The following HSPG2 variants were observed in gnomAD, a reference collection of about 807,000 sequenced individuals.
HSPG2 encodes heparan sulfate proteoglycan 2.
Under a neutral mutation model 526.6 loss-of-function variants are expected in HSPG2, and 278 were observed. The ratio of observed to expected loss-of-function variants is 0.53; its 90% CI spans 0.48 to 0.58. The LOEUF is 0.58. HSPG2 is among the 20% of genes least tolerant of loss of function. The pLI, the probability that HSPG2 is intolerant of heterozygous loss-of-function variation, is 0.00. For synonymous variants in HSPG2, 2,465 were observed against 2,555.4 expected (o/e 0.96, Z 1.07); for missense variants, 5,354 against 6,099.5 (o/e 0.88, Z 4.07).
chr1:21,857,269 T>A lies in HSPG2; in HGVS notation c.5394+16A>T, dbSNP rs1411770416. 1 of 1,613,774 alleles carries A rather than the reference T, an allele frequency of 6.2e-7. No individual in the cohort carries two copies. Among genetic ancestry groups the A allele is most frequent in the East Asian group, 2.2e-5 (1 of 44,888 alleles). On this transcript the variant is annotated intron_variant, in intron 43 of 96. Transcript: ENST00000374695. ...GAAGACAGACTTCCTCCATCCCCAC[T>A]CCCTGACCTGCACACCTTGCTTTTG...
Position 21,873,380 on chromosome 1 carries a change from C to A in HSPG2, c.3788G>T (p.Cys1263Phe). The A allele has an allele frequency of 6.2e-7, 1 of 1,614,220 alleles. No homozygotes were observed. ...ACCTCCCCAATCCTACTCACTCTGG[C>A]ATGGCTGGCCCTGGCTGGGGTTGCC... ...YYGNPSQGQP[C>F]QRDSQVPGPI... Residue 1263 changes from cysteine to phenylalanine, a missense_variant, in exon 30 of 97, where the codon TGC becomes TTC. Physicochemically the swap from Cys to Phe is radical, Grantham distance 205. Transcript: ENST00000374695.
intron 21 of HSPG2, chr1:21,877,629 C>G (rs1476129194): frequency 6.4e-6 from 1 of 156,276 alleles, no homozygotes. Context: ...TCCTGAGTAG[C>G]TGGGATTATA....
Position 21,862,066 on chromosome 1 carries a change from C to T in HSPG2, c.4790G>A (p.Gly1597Asp). The T allele has an allele frequency of 1.2e-6, 2 of 1,614,080 alleles. No individual in the cohort carries two copies. The highest frequency in any genetic ancestry group is 1.7e-6 in the Non-Finnish European group (2 of 1,180,032). The change falls in exon 38 of 97, where the codon GGC becomes GAC. Residue 1597 changes from glycine to aspartate, a missense_variant. Coordinates refer to ENST00000374695, the MANE Select transcript of HSPG2 (RefSeq NM_005529.7). ...CCCGGCTGTGGCATCTCCGTAGTAG[C>T]CAGGGGCACAAAGCTCGCAGAACTC... Reference protein sequence around the residue: ...AGEFCELCAPGYYGDATAGTP... With the variant: ...AGEFCELCAPDYYGDATAGTP...
intron 9 of HSPG2, among the ~76,000 whole-genome samples, chr1:21,885,777 C>A (rs1408368925): frequency 6.6e-6 from 1 of 152,208 alleles, no homozygotes; most frequent in Non-Finnish European, 1.5e-5. Context: ...TGGACAAGAC[C>A]CATGTCAAAG....
chr1:21,861,769 T>C lies in HSPG2; in HGVS notation c.4943A>G (p.Gln1648Arg), dbSNP rs2152731850. ...CTACEPGYTG[Q>R]YCEQCGPGYV... ...TTTACAAACTTACTGCTCACAGTACTGGCCAGTGTAGCCGGGTTCGCAGGC... is the reference window on the plus strand; with the variant it reads ...TTTACAAACTTACTGCTCACAGTACCGGCCAGTGTAGCCGGGTTCGCAGGC... The change falls in exon 39 of 97, where the codon CAG becomes CGG. Residue 1648 changes from glutamine (Q) to arginine (R), a missense_variant. By Grantham distance (43) the Gln-to-Arg change is conservative. Coordinates refer to ENST00000374695, the MANE Select transcript of HSPG2 (RefSeq NM_005529.7). 6.2e-7 allele frequency: 1 copy of C among 1,613,994 alleles called. No homozygotes were observed. Among genetic ancestry groups the C allele is most frequent in the East Asian group, 2.2e-5 (1 of 44,886 alleles).
In HSPG2 at chr1:21,855,529, C is replaced by T. The variant is rs761763385; in HGVS notation, c.5848G>A (p.Val1950Met). The change falls in exon 46 of 97, where the codon GTG (valine) becomes ATG (methionine). Residue 1950 changes from valine to methionine, a missense_variant. Val to Met is a conservative substitution (Grantham distance 21). Transcript: ENST00000374695. ...CCTGAGCCCGGCCTCTCACCATGCA[C>T]GTGGAGCACAGCCCTGGCCACCTGC... ...GQQVARAVLH[V>M]HGGGGPRVQV... 2.0e-5 allele frequency: 32 copies of T among 1,608,846 alleles called. No homozygotes were observed. Among genetic ancestry groups the T allele is most frequent in the Middle Eastern group, 1.6e-4 (1 of 6,082 alleles).
Position 21,904,655 on chromosome 1 carries a change from A to G in HSPG2, c.64-8345T>C, listed in dbSNP as rs72870236. ...AGCCACCGGGAAATGCCCTTGCCTCACCCATGTGCCAGGTGTGGCCAAGGC... is the reference window on the plus strand; with the variant it reads ...AGCCACCGGGAAATGCCCTTGCCTCGCCCATGTGCCAGGTGTGGCCAAGGC... On this transcript the variant is annotated intron_variant, in intron 1 of 96. Coordinates refer to ENST00000374695, the MANE Select transcript of HSPG2 (RefSeq NM_005529.7). The surrounding 1 kb of genome is among the most constrained non-coding windows in gnomAD (Gnocchi z 4.4). Among the ~76,000 whole-genome samples the G allele has an allele frequency of 3.3e-3, 498 of 152,262 alleles. 6 individuals are homozygous for G. The highest frequency in any genetic ancestry group is 0.011 in the African/African-American group (471 of 41,560).
intron 1 of HSPG2, chr1:21,908,091 C>T (rs565165266): frequency 2.9e-5 from 23 of 781,006 alleles, no homozygotes; most frequent in Non-Finnish European, 4.6e-5. Context: ...TCCAGTAATT[C>T]GCCAAAATGA....
At chr1:21,844,413 T>G in intron 64 of HSPG2, 114 bp from the exon 65 acceptor site, 1 of 1,202,210 alleles carries the variant, frequency 8.3e-7, no homozygotes. Flanking sequence ...CTTCTTTCCC[T>G]TCCCGTTCCA....
chr1:21,925,529 A>T (rs554713920), intron 1 of HSPG2, among the ~76,000 whole-genome samples: 41 of 152,330 alleles, frequency 2.7e-4, no homozygotes, highest in African/African-American at 8.9e-4. Context: ...GAGAAGAATC[A>T]GGGTTCCCAG....
intron 67 of HSPG2, 37 bp from the exon 68 acceptor site, chr1:21,842,417 G>A: frequency 1.9e-6 from 3 of 1,559,260 alleles, no homozygotes; most frequent in Non-Finnish European, 8.7e-7. Context: ...TCAGGGCAAA[G>A]TCCCCAGGAC....
chr1:21,837,876 C>T (rs1307884618), intron 74 of HSPG2, among the ~76,000 whole-genome samples: 1 of 151,972 alleles, frequency 6.6e-6, no homozygotes, highest in Non-Finnish European at 1.5e-5. Flanking sequence ...TGGCTCACGC[C>T]GGTAATCCCA....
At chr1:21,844,947 T>TA (rs1182187825) in intron 64 of HSPG2, among the ~76,000 whole-genome samples, 1 of 152,152 alleles carries the variant, frequency 6.6e-6, no homozygotes, top group African/African-American at 2.4e-5. Flanking sequence ...TGATTCACTT[T>TA]AAAAAAGCCT....
At chr1:21,886,286 T>C (rs576245907) in intron 9 of HSPG2, among the ~76,000 whole-genome samples, 3 of 152,118 alleles carry the variant, frequency 2.0e-5, no homozygotes, top group Non-Finnish European at 4.4e-5. Flanking sequence ...TTACTTTATC[T>C]CTCCCAAGGG....
intron 57 of HSPG2, 65 bp from the exon 58 acceptor site, chr1:21,849,096 G>A (rs185424801): frequency 1.3e-6 from 2 of 1,574,344 alleles, no homozygotes; most frequent in African/African-American, 1.3e-5. Context: ...CCAAGCTCCT[G>A]TTCCCTTCCC....
intron 21 of HSPG2, 98 bp from the exon 22 acceptor site, chr1:21,876,750 C>T: frequency 6.5e-7 from 1 of 1,528,272 alleles, no homozygotes; most frequent in Non-Finnish European, 9.0e-7. Context: ...ACCCAAGACC[C>T]AGGGGAGCCA....
At chr1:21,835,017 G>T in intron 76 of HSPG2, 72 bp from the exon 77 acceptor site, 1 of 1,558,114 alleles carries the variant, frequency 6.4e-7, no homozygotes. Context: ...GCCATAGACT[G>T]CCCAAGGAAA....
chr1:21,858,681 G>C lies in HSPG2; in HGVS notation c.5293+885C>G, dbSNP rs368191294. ...GGCCTAGCCACGCTTCCCACCCCCC[G>C]TGCCCACCTGCCTGACTTCTGCCAG... On this transcript the variant is annotated intron_variant, in intron 42 of 96. Coordinates refer to ENST00000374695, the MANE Select transcript of HSPG2 (RefSeq NM_005529.7). The surrounding 1 kb of genome is among the most constrained non-coding windows in gnomAD (Gnocchi z 4.2). 6.6e-6 allele frequency among the ~76,000 whole-genome samples: 1 copy of C among 152,196 alleles called. No individual in the cohort carries two copies. Among genetic ancestry groups the C allele is most frequent in the African/African-American group, 2.4e-5 (1 of 41,436 alleles).
chr1:21,876,190 C>A (rs777594615), intron 23 of HSPG2, 39 bp downstream of exon 23: 2 of 1,580,638 alleles, frequency 1.3e-6, no homozygotes, highest in South Asian at 1.1e-5. Context: ...GCTGTTCCTG[C>A]TGCCTGGAGT....
Sources: allele counts gnomAD v4.1 joint callset (sites outside exome capture counted in the v4.1 genomes callset), GRCh38; gene constraint gnomAD v4.1.1; non-coding constraint Gnocchi (gnomAD v3.1); transcripts MANE v1.5; gene names NCBI Gene and HGNC (gene_info 2026-07-23, HGNC 2026-07-21).